The following ENTREP2 variants were observed in gnomAD, a reference collection of about 807,000 sequenced individuals.
ENTREP2 encodes the protein endosomal transmembrane epsin interactor 2.
At chr15:29,594,956 TA>T in the ENTREP2 span, among the ~76,000 whole-genome samples, 1 of 148,430 alleles carries the variant, frequency 6.7e-6, no homozygotes, top group Non-Finnish European at 1.5e-5. Flanking sequence ...TAGCCCCAGC[TA>T]CTGGGGAGGC....
the ENTREP2 span, among the ~76,000 whole-genome samples, chr15:29,627,713 G>C: frequency 6.6e-6 from 1 of 152,038 alleles, no homozygotes. Context: ...CCAGTCCTAG[G>C]TGCTTCATAC....
chr15:29,123,804 C>A, the ENTREP2 span: 1 of 768,372 alleles, frequency 1.3e-6, no homozygotes, highest in Middle Eastern at 3.8e-4. Flanking sequence ...CTGTCCCCAT[C>A]CCTCCTCCCC....
the ENTREP2 span, chr15:29,268,808 G>A: frequency 2.2e-5 from 36 of 1,609,726 alleles, no homozygotes; most frequent in African/African-American, 1.3e-4. Context: ...GATGGAGCTG[G>A]GCCACTAGGC....
At chr15:29,233,913 G>T in the ENTREP2 span, 2 of 1,573,086 alleles carry the variant, frequency 1.3e-6, no homozygotes, top group Non-Finnish European at 8.7e-7. Flanking sequence ...GATGGCTGAA[G>T]AAACTGTTCA....
At chr15:29,207,323 G>C in the ENTREP2 span, among the ~76,000 whole-genome samples, 2 of 152,064 alleles carry the variant, frequency 1.3e-5, no homozygotes, top group Non-Finnish European at 2.9e-5. Flanking sequence ...GGCCGCAGAC[G>C]TTCCCAGCGA....
the ENTREP2 span, among the ~76,000 whole-genome samples, chr15:29,298,657 A>C: frequency 1.3e-5 from 2 of 152,180 alleles, no homozygotes; most frequent in African/African-American, 4.8e-5. Context: ...CAAAACTGAC[A>C]CAAGAAGAAG....
the ENTREP2 span, among the ~76,000 whole-genome samples, chr15:29,141,848 C>A: frequency 6.6e-6 from 1 of 152,226 alleles, no homozygotes; most frequent in African/African-American, 2.4e-5. Flanking sequence ...TGGGGAGAGC[C>A]CGCCCTGCGG....
chr15:29,143,409 C>T, the ENTREP2 span, among the ~76,000 whole-genome samples: 2 of 152,154 alleles, frequency 1.3e-5, no homozygotes, highest in African/African-American at 4.8e-5. Context: ...GGGCTGAGAC[C>T]CGCACAGTGG....
At chr15:29,391,951 A>T in the ENTREP2 span, among the ~76,000 whole-genome samples, 1 of 152,240 alleles carries the variant, frequency 6.6e-6, no homozygotes, top group South Asian at 2.1e-4. Context: ...CAGCCTCCCA[A>T]GTAGCTGGGA....
chr15:29,234,613 A>C, the ENTREP2 span: 1,004 of 1,543,578 alleles, frequency 6.5e-4, 6 homozygotes, highest in African/African-American at 0.013. Context: ...TTGTGCAGCT[A>C]GTTTTGATGC....
the ENTREP2 span, among the ~76,000 whole-genome samples, chr15:29,225,892 C>T: frequency 6.6e-6 from 1 of 152,222 alleles, no homozygotes; most frequent in Admixed American, 6.5e-5. Flanking sequence ...TGGCCACGTC[C>T]ACCACACCTC....
At chr15:29,611,947 T>C in the ENTREP2 span, among the ~76,000 whole-genome samples, 2 of 152,214 alleles carry the variant, frequency 1.3e-5, no homozygotes, top group African/African-American at 4.8e-5. Flanking sequence ...CAAGCTTGGA[T>C]TGATGACTTC....
At chr15:29,172,879 T>A in the ENTREP2 span, among the ~76,000 whole-genome samples, 6 of 152,102 alleles carry the variant, frequency 3.9e-5, no homozygotes, top group African/African-American at 1.4e-4. Flanking sequence ...GGTCTACTCT[T>A]CCCTGTCAGG....
the ENTREP2 span, among the ~76,000 whole-genome samples, chr15:29,311,617 G>A: frequency 2.8e-4 from 42 of 152,252 alleles, 1 homozygote; most frequent in Admixed American, 1.1e-3. Context: ...TACAACCTGG[G>A]TGGTAGAGGT....
the ENTREP2 span, among the ~76,000 whole-genome samples, chr15:29,638,874 GCCCAA>G: frequency 1.3e-5 from 2 of 152,216 alleles, no homozygotes. Context: ...GCAGTGGACA[GCCCAA>G]TCTGAGGAGT....
At chr15:29,659,660 C>T in the ENTREP2 span, among the ~76,000 whole-genome samples, 1 of 152,118 alleles carries the variant, frequency 6.6e-6, no homozygotes, top group Admixed American at 6.5e-5. Flanking sequence ...TATTTTGTAG[C>T]ATTGTGTAAA....
the ENTREP2 span, among the ~76,000 whole-genome samples, chr15:29,452,194 G>A: frequency 6.6e-6 from 1 of 152,202 alleles, no homozygotes; most frequent in Admixed American, 6.5e-5. Flanking sequence ...GGCCTCTAGT[G>A]TTACCCACAA....
At chr15:29,657,484 G>GGGGCAGT in the ENTREP2 span, among the ~76,000 whole-genome samples, 2 of 12,140 alleles carry the variant, frequency 1.6e-4, no homozygotes, top group African/African-American at 5.0e-4. Context: ...CTGGGGGGGC[G>GGGGCAGT]GGGGGGGGGG....
At chr15:29,510,009 CA>C in the ENTREP2 span, among the ~76,000 whole-genome samples, 3 of 151,932 alleles carry the variant, frequency 2.0e-5, no homozygotes, top group Admixed American at 6.6e-5. Flanking sequence ...ATTCATCTGA[CA>C]AAGGGGTAAT....
Sources: gnomAD v4.1 joint callset for allele counts (sites outside exome capture counted in the v4.1 genomes callset) on GRCh38, gnomAD v4.1.1 for gene constraint, MANE v1.5 for transcripts, NCBI Gene and HGNC (gene_info 2026-07-23, HGNC 2026-07-21) for gene names.